Variants in STK32B observed in about 807,000 individuals in gnomAD.
STK32B encodes serine/threonine-protein kinase 32B.
In STK32B, 43 loss-of-function variants were observed where a neutral mutation model predicts 52.6. The ratio of observed to expected loss-of-function variants is 0.82; its 90% CI spans 0.64 to 1.05. The LOEUF is 1.05. STK32B is among the 50% of genes least tolerant of loss of function. The pLI, the probability that STK32B is intolerant of heterozygous loss-of-function variation, is 0.00. For missense variants in STK32B, 621 were observed against 534.6 expected, an observed-to-expected ratio of 1.16 and a Z score of -1.59; for synonymous variants, 238 against 204.3, an observed-to-expected ratio of 1.17 and a Z score of -1.41.
intron 5 of STK32B, among the ~76,000 whole-genome samples, chr4:5,409,418 C>T (rs1737877769): frequency 1.3e-5 from 2 of 152,130 alleles, no homozygotes; most frequent in African/African-American, 4.8e-5. Flanking sequence ...TTCATAAAAT[C>T]ACATGCTCAA....
chr4:5,497,078 A>T (rs982465651), intron 11 of STK32B, among the ~76,000 whole-genome samples: 1 of 152,206 alleles, frequency 6.6e-6, no homozygotes, highest in African/African-American at 2.4e-5. Context: ...CAAGATATCA[A>T]TGAGCTATCA....
intron 1 of STK32B, among the ~76,000 whole-genome samples, chr4:5,105,571 T>C (rs1454489987): frequency 6.6e-6 from 1 of 151,220 alleles, no homozygotes; most frequent in Non-Finnish European, 1.5e-5. Context: ...TGCTGGTGTC[T>C]TTTTTTTTCT....
At chr4:5,259,329 C>T (rs1393440503) in intron 3 of STK32B, among the ~76,000 whole-genome samples, 1 of 152,208 alleles carries the variant, frequency 6.6e-6, no homozygotes, top group African/African-American at 2.4e-5. Flanking sequence ...GCTTGGCACA[C>T]ATTAGGTGCT....
At chr4:5,174,497 G>C (rs879554365) in intron 3 of STK32B, among the ~76,000 whole-genome samples, 2 of 152,114 alleles carry the variant, frequency 1.3e-5, no homozygotes, top group African/African-American at 4.8e-5. Flanking sequence ...GGCAGGCCTG[G>C]TGGTGACAAA....
rs147586894 is a variant in STK32B at position 5,230,816 on chromosome 4, A to T, written c.260+62366A>T. Among the ~76,000 whole-genome samples the T allele has an allele frequency of 1.7e-4, 26 of 152,276 alleles. No homozygotes were observed. In the East Asian group the frequency reaches 3.9e-3, roughly 23 times the overall value. Reference sequence around the variant, plus strand: ...ACAGAGGGGAGATGAATCCACAGAAAATTTTCCCAGAACAAGAGGGGGTAA... The same window carrying T: ...ACAGAGGGGAGATGAATCCACAGAATATTTTCCCAGAACAAGAGGGGGTAA... On this transcript the variant is annotated intron_variant, in intron 3 of 11. Coordinates refer to ENST00000282908, the MANE Select transcript of STK32B (RefSeq NM_018401.3).
chr4:5,224,772 TTAA>T (rs1723761047), intron 3 of STK32B, among the ~76,000 whole-genome samples: 2 of 152,224 alleles, frequency 1.3e-5, no homozygotes, highest in Admixed American at 1.3e-4. Flanking sequence ...TGGTGATGTA[TTAA>T]TCATATCAAC....
At chr4:5,050,066 G>A (rs1741703863), upstream of STK32B, among the ~76,000 whole-genome samples, 1 of 152,216 alleles carries the variant, frequency 6.6e-6, no homozygotes, top group African/African-American at 2.4e-5. Flanking sequence ...CAGAGCCCAT[G>A]CCTGTCCACA....
At position 5,468,215 on chromosome 4, in the gene STK32B, G is replaced by C. The variant is rs139850850; in HGVS notation, c.1106+145G>C. On this transcript the variant is annotated intron_variant, in intron 11 of 11. Transcript: ENST00000282908. ...CTGAGGTGAGACACAGGGCTCTGGT[G>C]GGGGGTGAAACTCCTGGATTTTGAA... The C allele has an allele frequency of 1.7e-4, 134 of 767,204 alleles. 1 individual carries two copies. Among genetic ancestry groups the C allele is most frequent in the East Asian group, 1.5e-3 (56 of 37,888 alleles). 47.5% of individuals were successfully genotyped at this position (767,204 alleles called of 1,614,324 possible).
chr4:5,479,234 C>G (rs901115469), intron 11 of STK32B, among the ~76,000 whole-genome samples: 2 of 151,766 alleles, frequency 1.3e-5, no homozygotes, highest in Admixed American at 1.3e-4. Flanking sequence ...ATTCTCCTGC[C>G]TTAGCCTCCC....
intron 3 of STK32B, among the ~76,000 whole-genome samples, chr4:5,265,894 A>G (rs1416430229): frequency 6.6e-6 from 1 of 152,134 alleles, no homozygotes; most frequent in Non-Finnish European, 1.5e-5. Context: ...GATGTACTAA[A>G]ATGTATTTAC....
chr4:5,279,737 C>A (rs1365965283), intron 3 of STK32B, among the ~76,000 whole-genome samples: 3 of 152,216 alleles, frequency 2.0e-5, no homozygotes, highest in Non-Finnish European at 4.4e-5. Context: ...GCAGAGGCTC[C>A]CAAAGCTCAA....
intron 3 of STK32B, among the ~76,000 whole-genome samples, chr4:5,300,496 C>G (rs963266591): frequency 2.0e-5 from 3 of 152,156 alleles, no homozygotes; most frequent in African/African-American, 4.8e-5. Flanking sequence ...CAAATTATCT[C>G]TCTTTACAGA....
chr4:5,141,211 C>T (rs994433300), intron 2 of STK32B, among the ~76,000 whole-genome samples: 26 of 152,342 alleles, frequency 1.7e-4, no homozygotes, highest in South Asian at 1.4e-3. Flanking sequence ...CAGGTTATGA[C>T]GCATTTCCAT....
At chr4:5,217,649 A>T (rs1723262667) in intron 3 of STK32B, among the ~76,000 whole-genome samples, 1 of 152,168 alleles carries the variant, frequency 6.6e-6, no homozygotes, top group Non-Finnish European at 1.5e-5. Context: ...GAGCCATCTG[A>T]CTTATTGTTT....
chr4:5,350,460 A>G (rs572805758), intron 4 of STK32B, among the ~76,000 whole-genome samples: 3 of 152,262 alleles, frequency 2.0e-5, no homozygotes, highest in African/African-American at 7.2e-5. Context: ...CACCATGAAA[A>G]CACACAAAAA....
intron 1 of STK32B, among the ~76,000 whole-genome samples, chr4:5,119,314 A>G (rs1480141112): frequency 1.3e-5 from 2 of 152,342 alleles, no homozygotes. Context: ...GAAACTTGAT[A>G]TTCTCTTAGC....
intron 3 of STK32B, among the ~76,000 whole-genome samples, chr4:5,293,616 C>G (rs1337869547): frequency 2.0e-5 from 3 of 152,070 alleles, no homozygotes; most frequent in Admixed American, 2.0e-4. Flanking sequence ...ATGTCCTTTG[C>G]CCACTTTTTG....
At chr4:5,489,938 T>G (rs1486848731) in intron 11 of STK32B, among the ~76,000 whole-genome samples, 1 of 152,212 alleles carries the variant, frequency 6.6e-6, no homozygotes, top group Non-Finnish European at 1.5e-5. Flanking sequence ...TAAATACATC[T>G]AGACAGACAT....
intron 3 of STK32B, among the ~76,000 whole-genome samples, chr4:5,249,432 TTC>T (rs1560259165): frequency 7.1e-5 from 6 of 84,546 alleles, no homozygotes; most frequent in South Asian, 4.3e-4. Flanking sequence ...TCTTCCTTCC[TTC>T]CTACCTACCT....
Sources: gnomAD v4.1 joint callset for allele counts (sites outside exome capture counted in the v4.1 genomes callset) on GRCh38, gnomAD v4.1.1 for gene constraint, MANE v1.5 for transcripts, NCBI Gene and HGNC (gene_info 2026-07-23, HGNC 2026-07-21) for gene names.